Variants in WNT2 observed in about 807,000 individuals in gnomAD.
WNT2 encodes the protein Wnt family member 2, also known as protein Wnt-2.
WNT2 carries 12 observed loss-of-function variants against 36.9 expected under a neutral mutation model. The observed-to-expected ratio is 0.33, with a 90% confidence interval of 0.21 to 0.53. The LOEUF is 0.53. WNT2 is among the 20% of genes least tolerant of loss of function. The pLI, the probability that WNT2 is intolerant of heterozygous loss-of-function variation, is 0.95. For missense variants in WNT2, 379 were observed against 473.1 expected (o/e 0.80, Z 1.84); for synonymous variants, 163 against 174.6 (o/e 0.93, Z 0.52).
chr7:117,316,669 C>G (rs1430291949), intron 2 of WNT2, among the ~76,000 whole-genome samples: 8 of 152,208 alleles, frequency 5.3e-5, no homozygotes, highest in Admixed American at 2.0e-4. Flanking sequence ...CATATCTACA[C>G]CATATTAAAT....
chr7:117,316,408 T>C (rs1278602958), intron 2 of WNT2, among the ~76,000 whole-genome samples: 1 of 152,214 alleles, frequency 6.6e-6, no homozygotes, highest in Admixed American at 6.5e-5. Context: ...TAATGGTTGC[T>C]GCGGCAAATA....
intron 2 of WNT2, among the ~76,000 whole-genome samples, chr7:117,320,284 G>C (rs1795298277): frequency 6.6e-6 from 1 of 152,180 alleles, no homozygotes; most frequent in Admixed American, 6.5e-5. Flanking sequence ...GACGAAGTCT[G>C]AACCTGGAGG....
At chr7:117,293,529 T>G (rs1794731038) in intron 4 of WNT2, among the ~76,000 whole-genome samples, 2 of 152,094 alleles carry the variant, frequency 1.3e-5, no homozygotes, top group Non-Finnish European at 2.9e-5. Flanking sequence ...GAGTGAGCAG[T>G]ATGAGATGCA....
chr7:117,309,565 T>C (rs1795082778), intron 3 of WNT2, among the ~76,000 whole-genome samples: 2 of 152,240 alleles, frequency 1.3e-5, no homozygotes, highest in Non-Finnish European at 2.9e-5. Flanking sequence ...TCTCCTCATA[T>C]GCAAACTGTA....
intron 4 of WNT2, among the ~76,000 whole-genome samples, chr7:117,286,202 C>T (rs1224231743): frequency 1.3e-5 from 2 of 152,046 alleles, no homozygotes; most frequent in African/African-American, 2.4e-5. Flanking sequence ...GGAGCAATGC[C>T]GAGGGAACTT....
chr7:117,315,121 T>TTCCTC lies in WNT2; in HGVS notation c.537_538insGAGGA (p.Lys180GlufsTer8), dbSNP rs753287737. On this transcript the variant is annotated frameshift_variant, in exon 3 of 5. Coordinates refer to ENST00000265441, the MANE Select transcript of WNT2 (RefSeq NM_003391.3). LOFTEE classifies it high-confidence loss of function. ...AGATTCATCAGGGCTCTGGCATCCT[T>TTCCTC]TCCTTTCCTTTCCTTTGCATCCACA... is the stretch of plus-strand genomic sequence containing the variant. 1 of 1,613,704 alleles carries TTCCTC rather than the reference T, an allele frequency of 6.2e-7. No individual in the cohort carries two copies.
chr7:117,321,384 T>C (rs1562833223), intron 1 of WNT2, among the ~76,000 whole-genome samples: 1 of 152,244 alleles, frequency 6.6e-6, no homozygotes, highest in East Asian at 1.9e-4. Flanking sequence ...TCTTTTTGGC[T>C]TTTATAAAGA....
At chr7:117,303,699 A>C (rs1794957684) in intron 3 of WNT2, among the ~76,000 whole-genome samples, 1 of 152,230 alleles carries the variant, frequency 6.6e-6, no homozygotes, top group Non-Finnish European at 1.5e-5. Flanking sequence ...ATTTAAAAAC[A>C]ATAAACATCT....
intron 4 of WNT2, among the ~76,000 whole-genome samples, chr7:117,293,471 G>A (rs760563808): frequency 1.1e-4 from 16 of 152,126 alleles, no homozygotes; most frequent in Admixed American, 7.9e-4. Context: ...AGCAATGATG[G>A]AAAGCAAAGA....
chr7:117,294,326 A>G (rs1374258916), intron 4 of WNT2, among the ~76,000 whole-genome samples: 1 of 152,246 alleles, frequency 6.6e-6, no homozygotes, highest in Non-Finnish European at 1.5e-5. Context: ...GGCTAATTGC[A>G]TATGACTCCA....
Position 117,297,715 on chromosome 7 carries a change from G to A in WNT2, c.750C>T (p.Gly250=), listed in dbSNP as rs201595762. 6.2e-7 allele frequency: 1 copy of A among 1,614,116 alleles called. No homozygotes were observed. The highest frequency in any genetic ancestry group is 2.2e-5 in the East Asian group (1 of 44,884). ...GAIQVVMNQD[G]TGFTVANERF... ...TCTCGTTAGCCACAGTGAAACCTGT[G>A]CCATCCTGGTTCATGACCACCTGGA... Residue 250 remains glycine (G), a synonymous_variant, in exon 4 of 5, where the codon GGC becomes GGT. Transcript: ENST00000265441.
At chr7:117,310,261 G>C (rs1385861562) in intron 3 of WNT2, among the ~76,000 whole-genome samples, 1 of 152,052 alleles carries the variant, frequency 6.6e-6, no homozygotes, top group African/African-American at 2.4e-5. Context: ...AAATGTCTCT[G>C]CACAGTATTT....
In WNT2 at chr7:117,278,264, C is replaced by T. The variant is rs201198087; in HGVS notation, c.974G>A (p.Gly325Glu). 6 of 1,614,102 alleles carry T rather than the reference C, an allele frequency of 3.7e-6. No homozygotes were observed. The Admixed American group carries it at 1.0e-4, about 27-fold the overall frequency. Residue 325 changes from glycine (G) to glutamate (E), a missense_variant, in exon 5 of 5, where the codon GGG becomes GAG. By Grantham distance (98) the Gly-to-Glu change is moderately conservative (BLOSUM62 -2). Transcript: ENST00000265441. Reference protein sequence around the residue: ...TSHVTRMTKCGCKFHWCCAVR... With the variant: ...TSHVTRMTKCECKFHWCCAVR... ...GGCGCAGCACCAGTGGAACTTACAC[C>T]CACACTTGGTCATCCGGGTGACATG...
rs546699735 is a variant in WNT2, at chr7:117,310,339, G to A, written c.588+4732C>T. Among the ~76,000 whole-genome samples the A allele has an allele frequency of 1.7e-3, 256 of 152,080 alleles. 2 individuals carry two copies. The highest frequency in any genetic ancestry group is 6.0e-3 in the African/African-American group (250 of 41,476). ...CTAGCACTTTGAGAGGACAAGTTGG[G>A]CAGATTCTTGAGCCCAGGAGTTCAA... On this transcript the variant is annotated intron_variant, in intron 3 of 4. Transcript: ENST00000265441.
At chr7:117,286,568 A>G (rs966083346) in intron 4 of WNT2, among the ~76,000 whole-genome samples, 18 of 152,130 alleles carry the variant, frequency 1.2e-4, no homozygotes, top group African/African-American at 4.1e-4. Context: ...GTTGACTATT[A>G]GGGCATAAAC....
rs542271907 is a variant in WNT2, at chr7:117,318,219, A to G, written c.310+2348T>C. On this transcript the variant is annotated intron_variant, in intron 2 of 4. Coordinates refer to ENST00000265441, the MANE Select transcript of WNT2 (RefSeq NM_003391.3). ...CATCTATGAGCATATTTAGGTGTCCACAACTCTAAGACGTAACTTTTTCTC... is the reference window on the plus strand; with the variant it reads ...CATCTATGAGCATATTTAGGTGTCCGCAACTCTAAGACGTAACTTTTTCTC... Among the ~76,000 whole-genome samples the G allele has an allele frequency of 2.0e-5, 3 of 152,318 alleles. 1 individual carries two copies. In the South Asian group the frequency reaches 6.2e-4, roughly 32 times the overall value.
At chr7:117,285,249 T>A (rs1192253323) in intron 4 of WNT2, among the ~76,000 whole-genome samples, 1 of 152,230 alleles carries the variant, frequency 6.6e-6, no homozygotes, top group African/African-American at 2.4e-5. Flanking sequence ...ATTTTTCCTA[T>A]ACTGATATTC....
rs760731437 is a variant in WNT2 at position 117,297,888 on chromosome 7, G to A, written c.589-12C>T. 8.1e-6 allele frequency: 13 copies of A among 1,602,400 alleles called. No individual in the cohort carries two copies. In the Admixed American group the frequency reaches 2.0e-4, roughly 25 times the overall value. On this transcript the variant is annotated splice_polypyrimidine_tract_variant and intron_variant, in intron 3 of 4. Coordinates refer to ENST00000265441, the MANE Select transcript of WNT2 (RefSeq NM_003391.3). ...AACCGCTTTACAGCCTGCCGAAAAA[G>A]ACAGGGGCAAGTTCAGTGAGGTTCG... is the stretch of plus-strand genomic sequence containing the variant.
chr7:117,320,526 G>A (rs1795302661), intron 2 of WNT2, 41 bp downstream of exon 2: 2 of 1,565,136 alleles, frequency 1.3e-6, no homozygotes, highest in Non-Finnish European at 1.7e-6. Context: ...AGCTGTGCAT[G>A]AGTGGAGAGC....
Sources: gnomAD v4.1 joint callset for allele counts (sites outside exome capture counted in the v4.1 genomes callset) on GRCh38, gnomAD v4.1.1 for gene constraint, MANE v1.5 for transcripts, NCBI Gene and HGNC (gene_info 2026-07-23, HGNC 2026-07-21) for gene names.